CFAP410: variants seen among roughly 807,000 people sequenced by gnomAD.
CFAP410 encodes the protein cilia- and flagella-associated protein 410.
Under a neutral mutation model 25.7 loss-of-function variants are expected in CFAP410, and 27 were observed. That is an observed-to-expected ratio of 1.05 (90% CI 0.77 to 1.45). The LOEUF (loss-of-function observed/expected upper bound fraction) is 1.45, where lower values mean the gene tolerates loss of function less well. Among genes scored for constraint, CFAP410 ranks in the 40% most tolerant of loss-of-function variants. CFAP410 has a pLI of 0.00. For synonymous variants in CFAP410, 178 were observed against 158.4 expected (o/e 1.12, Z -0.93); for missense variants, 428 against 354.1 (o/e 1.21, Z -1.67).
In CFAP410 at chr21:44,330,064, G is replaced by C; in HGVS notation, c.*134C>G. ...GTACCTAACACCCACTCCTGCCCTC[G>C]GCCGATGTGGCAAACCGGGGAGGCT... On this transcript the variant is annotated 3_prime_UTR_variant, in exon 7 of 7. Transcript: ENST00000339818. 1 of 1,049,058 alleles carries C rather than the reference G, an allele frequency of 9.5e-7. No individual in the cohort carries two copies. Among genetic ancestry groups the C allele is most frequent in the Non-Finnish European group, 1.4e-6 (1 of 730,266 alleles). The allele number at this position is 1,049,058 out of a possible 1,614,324, so 65.0% of individuals were successfully genotyped here. A position where few individuals can be genotyped will look rare whatever the true frequency, so the allele number is the denominator to read the frequency against.
intron 5 of CFAP410, chr21:44,331,321 C>T (rs1238937294): frequency 6.9e-5 from 19 of 277,304 alleles, no homozygotes; most frequent in South Asian, 1.9e-4. Context: ...GCACCAGCAG[C>T]GGGTGTGATC....
At chr21:44,334,836 G>T in intron 3 of CFAP410, 1 of 163,174 alleles carries the variant, frequency 6.1e-6, no homozygotes, top group South Asian at 1.7e-4. Flanking sequence ...CCCATGGCGG[G>T]CAGCAGGCTG....
Position 44,339,276 on chromosome 21 carries a change from G to C in CFAP410, c.-82C>G. ...GACGACTGCGCGGCGCGTGTCTCCAGGGGCGGGGCCCGCGTCGTCAGGGGC... is the reference window on the plus strand; with the variant it reads ...GACGACTGCGCGGCGCGTGTCTCCACGGGCGGGGCCCGCGTCGTCAGGGGC... On this transcript the variant is annotated 5_prime_UTR_variant, in exon 1 of 7. Transcript: ENST00000339818. 2 of 897,238 alleles carry C rather than the reference G, an allele frequency of 2.2e-6. No individual in the cohort carries two copies. Among genetic ancestry groups the C allele is most frequent in the African/African-American group, 3.6e-5 (2 of 56,026 alleles). 55.6% of individuals were successfully genotyped at this position (897,238 alleles called of 1,614,324 possible).
chr21:44,330,712 A>G (rs1271443692), intron 6 of CFAP410, 111 bp downstream of exon 6: 2 of 1,549,046 alleles, frequency 1.3e-6, no homozygotes, highest in African/African-American at 1.4e-5. Flanking sequence ...GTGAGGCTCC[A>G]TGCTCCCTCC....
At chr21:44,332,200 G>A (rs1467452226) in intron 4 of CFAP410, 186 bp from the exon 5 acceptor site, 10 of 545,402 alleles carry the variant, frequency 1.8e-5, no homozygotes, top group Non-Finnish European at 2.9e-5. Flanking sequence ...CCCCAGCCTG[G>A]CACAGGCTGA....
At chr21:44,335,960 C>T (rs2047745405) in intron 2 of CFAP410, 156 bp from the exon 3 acceptor site, 1 of 622,158 alleles carries the variant, frequency 1.6e-6, no homozygotes, top group Non-Finnish European at 2.9e-6. Context: ...GGTGAATGCC[C>T]AGGGCCTGAG....
At chr21:44,332,776 C>T (rs1602078595) in intron 4 of CFAP410, 1 of 539,788 alleles carries the variant, frequency 1.9e-6, no homozygotes, top group Non-Finnish European at 3.3e-6. Context: ...GCTTTGCTAC[C>T]AGGTCCTGCG....
chr21:44,332,782 C>G, intron 4 of CFAP410: 1 of 548,494 alleles, frequency 1.8e-6, no homozygotes, highest in African/African-American at 1.9e-5. Flanking sequence ...CTACCAGGTC[C>G]TGCGGTCGTT....
At chr21:44,333,645 T>G (rs930247911) in intron 3 of CFAP410, 8 of 323,104 alleles carry the variant, frequency 2.5e-5, no homozygotes, top group African/African-American at 1.7e-4. Context: ...GAAAAACTCA[T>G]GGCAAAAACT....
chr21:44,334,517 A>ACCCCCCCTCACCCTCTGGGCGGGCACGCG, intron 3 of CFAP410: 1 of 72,240 alleles, frequency 1.4e-5, no homozygotes, highest in Non-Finnish European at 3.3e-5. Flanking sequence ...GGGCACGCGC[A>ACCCCCCCTCACCCTCTGGGCGGGCACGCG]CCCCCCCCCC....
In CFAP410 at chr21:44,333,139, C is replaced by G; in HGVS notation, c.267G>C (p.Leu89=). ...GGTTCTCGGCCAGCCACAGCACCCG[C>G]AGACGCGGCAGCCCCTTCAGGTAGA... ...ELFYLKGLPR[L]RVLWLAENPC... is the part of the protein sequence containing the mutation. The change falls in exon 4 of 7, where the codon CTG becomes CTC. Residue 89 remains leucine (L), a synonymous_variant. Coordinates refer to ENST00000339818, the MANE Select transcript of CFAP410 (RefSeq NM_004928.3). The G allele has an allele frequency of 6.2e-7, 1 of 1,612,216 alleles. No individual in the cohort carries two copies. The highest frequency in any genetic ancestry group is 1.1e-5 in the South Asian group (1 of 91,012).
At chr21:44,333,717 G>A (rs1021819456) in intron 3 of CFAP410, 7 of 289,416 alleles carry the variant, frequency 2.4e-5, no homozygotes, top group East Asian at 9.4e-5. Context: ...ACTTGAGGGC[G>A]GCAACACTGG....
intron 3 of CFAP410, 94 bp downstream of exon 3, chr21:44,335,663 AG>A (rs2047737684): frequency 1.0e-6 from 1 of 967,350 alleles, no homozygotes; most frequent in East Asian, 2.6e-5. Flanking sequence ...GGAGGTTTCC[AG>A]GTTATGTCAC....
intron 4 of CFAP410, 42 bp from the exon 5 acceptor site, chr21:44,332,056 C>T: frequency 4.6e-6 from 7 of 1,528,220 alleles, no homozygotes; most frequent in Non-Finnish European, 6.2e-6. Context: ...TGGCCTCACC[C>T]ACGTGCAGGC....
intron 3 of CFAP410, 120 bp from the exon 4 acceptor site, chr21:44,333,382 G>A (rs2047689277): frequency 1.3e-6 from 1 of 760,014 alleles, no homozygotes; most frequent in Non-Finnish European, 2.2e-6. Context: ...CTCCTGAGAA[G>A]CCTAAATCGG....
chr21:44,333,733 G>A (rs899916781), intron 3 of CFAP410: 1 of 296,020 alleles, frequency 3.4e-6, no homozygotes, highest in African/African-American at 2.2e-5. Flanking sequence ...ACTGGGGATG[G>A]GCCTCATTTC....
chr21:44,330,104 G>A lies in CFAP410; in HGVS notation c.*94C>T. 7.2e-7 allele frequency: 1 copy of A among 1,391,300 alleles called. No individual in the cohort carries two copies. Among genetic ancestry groups the A allele is most frequent in the Non-Finnish European group, 9.7e-7 (1 of 1,028,982 alleles). The allele number at this position is 1,391,300 out of a possible 1,614,324, so 86.2% of individuals were successfully genotyped here. On this transcript the variant is annotated 3_prime_UTR_variant, in exon 7 of 7. Coordinates refer to ENST00000339818, the MANE Select transcript of CFAP410 (RefSeq NM_004928.3). Reference sequence around the variant, plus strand: ...CCGGGGAGGCTTTTGTGTGGGGCCGGGGCTGCGGCCATGGCAGCCACCCTC... The same window carrying A: ...CCGGGGAGGCTTTTGTGTGGGGCCGAGGCTGCGGCCATGGCAGCCACCCTC...
rs1265643384 is a variant in CFAP410, at chr21:44,333,139, C to T, written c.267G>A (p.Leu89=). The T allele has an allele frequency of 1.2e-6, 2 of 1,612,216 alleles. No individual in the cohort carries two copies. Among genetic ancestry groups the T allele is most frequent in the Admixed American group, 1.7e-5 (1 of 59,984 alleles). ...ELFYLKGLPR[L]RVLWLAENPC... is the part of the protein sequence containing the mutation. ...GGTTCTCGGCCAGCCACAGCACCCG[C>T]AGACGCGGCAGCCCCTTCAGGTAGA... Residue 89 remains leucine (L), a synonymous_variant, in exon 4 of 7, where the codon CTG becomes CTA. Transcript: ENST00000339818.
intron 1 of CFAP410, 31 bp downstream of exon 1, chr21:44,339,087 C>A (rs1183003936): frequency 7.4e-7 from 1 of 1,357,412 alleles, no homozygotes; most frequent in Non-Finnish European, 9.7e-7. Context: ...TCCCCCCACC[C>A]CGGGGCGGCC....
Sources: allele counts gnomAD v4.1 joint callset, GRCh38; gene constraint gnomAD v4.1.1; transcripts MANE v1.5; gene names NCBI Gene and HGNC (gene_info 2026-07-23, HGNC 2026-07-21).